The following URB2 variants were observed in gnomAD, a reference collection of about 807,000 sequenced individuals.
The protein encoded by URB2 is URB2 ribosome biogenesis homolog, also known as unhealthy ribosome biogenesis protein 2 homolog.
Under a neutral mutation model 120.9 loss-of-function variants are expected in URB2, and 86 were observed. The observed-to-expected ratio is 0.71, with a 90% CI of 0.60 to 0.85. URB2 has a LOEUF of 0.85. Among genes scored for constraint, URB2 ranks in the 40% least tolerant of loss-of-function variants. The pLI is 0.00. For synonymous variants in URB2, 755 were observed against 758.4 expected (o/e 1.00, Z 0.07); for missense variants, 1,765 against 1,836.5 (o/e 0.96, Z 0.71).
intron 4 of URB2, among the ~76,000 whole-genome samples, chr1:229,639,395 T>C (rs1571874486): frequency 6.7e-6 from 1 of 149,924 alleles, no homozygotes; most frequent in South Asian, 2.1e-4. Flanking sequence ...AGTGCAGTGG[T>C]GCAATCTCAG....
chr1:229,655,391 G>A (rs1416287257), intron 9 of URB2, among the ~76,000 whole-genome samples: 2 of 152,032 alleles, frequency 1.3e-5, no homozygotes, highest in African/African-American at 2.4e-5. Flanking sequence ...CCACCACCAC[G>A]CCCAGTTAAT....
Position 229,644,397 on chromosome 1 carries a change from C to T in URB2, c.3795+704C>T, listed in dbSNP as rs575789504. Among the ~76,000 whole-genome samples the T allele has an allele frequency of 2.6e-5, 4 of 152,300 alleles. No individual in the cohort carries two copies. In the South Asian group the frequency reaches 6.2e-4, roughly 24 times the overall value. On this transcript the variant is annotated intron_variant, in intron 5 of 9. Coordinates refer to ENST00000258243, the MANE Select transcript of URB2 (RefSeq NM_014777.4). ...GTACTGATTTGGGCAGGAGAGGAAA[C>T]AAACCTAAATTTCTGTTTGGACCAG...
chr1:229,648,042 G>T (rs904664710), intron 7 of URB2, among the ~76,000 whole-genome samples: 1 of 152,126 alleles, frequency 6.6e-6, no homozygotes, highest in African/African-American at 2.4e-5. Flanking sequence ...ATGCTCCAAA[G>T]CTCGAAACTT....
chr1:229,650,203 GT>G lies in URB2; in HGVS notation c.4150-1031del, dbSNP rs767641108. Among the ~76,000 whole-genome samples, 95 of 152,340 alleles carry G rather than the reference GT, an allele frequency of 6.2e-4. 1 individual carries two copies. Among genetic ancestry groups the G allele is most frequent in the African/African-American group, 1.9e-3 (80 of 41,578 alleles). On this transcript the variant is annotated intron_variant, in intron 7 of 9. Transcript: ENST00000258243. ...AGCAGTGGTCAGCAGTGGTGGGTGT[GT>G]GCTGTGTCTCCATCGTCCAGTATGG... is the stretch of plus-strand genomic sequence containing the variant.
At position 229,632,130 on chromosome 1, in the gene URB2, G is replaced by A. The variant is rs1415475906; in HGVS notation, c.127-139G>A. 3 of 547,558 alleles carry A rather than the reference G, an allele frequency of 5.5e-6. No homozygotes were observed. The East Asian group carries it at 1.1e-4, about 19-fold the overall frequency. 33.9% of individuals were successfully genotyped at this position (547,558 alleles called of 1,614,324 possible). On this transcript the variant is annotated intron_variant, in intron 2 of 9. Coordinates refer to ENST00000258243, the MANE Select transcript of URB2 (RefSeq NM_014777.4). ...GAACACGTAAGTAATATTATCAAAG[G>A]TAAGTTGTAAAAGAGAGGTTCTCCC...
chr1:229,658,503 A>G (rs969185401), intron 9 of URB2, among the ~76,000 whole-genome samples: 1 of 152,248 alleles, frequency 6.6e-6, no homozygotes, highest in Non-Finnish European at 1.5e-5. Flanking sequence ...AAAGGAATCT[A>G]TTAAATGGCA....
rs1665868016 is a variant in URB2, at chr1:229,637,362, T to C, written c.2749T>C (p.Tyr917His). ...CCTCTTGCCACCCTATCATGTGCAT[T>C]ATTTTCTTGTGTTACTGTCCATGGC... is the stretch of plus-strand genomic sequence containing the variant. ...DSLLPPYHVHYFLVLLSMAVT... is the reference protein window; with the variant it reads ...DSLLPPYHVHHFLVLLSMAVT... Residue 917 changes from tyrosine (Y) to histidine (H), a missense_variant, in exon 4 of 10, where the codon TAT (tyrosine) becomes CAT (histidine). Tyr to His is a moderately conservative substitution (Grantham distance 83). Coordinates refer to ENST00000258243, the MANE Select transcript of URB2 (RefSeq NM_014777.4). 6.2e-7 allele frequency: 1 copy of C among 1,614,086 alleles called. No individual in the cohort carries two copies. Among genetic ancestry groups the C allele is most frequent in the African/African-American group, 1.3e-5 (1 of 74,926 alleles).
At chr1:229,627,376 T>C (rs557973545) in intron 1 of URB2, among the ~76,000 whole-genome samples, 14 of 152,366 alleles carry the variant, frequency 9.2e-5, no homozygotes, top group African/African-American at 3.4e-4. Flanking sequence ...GGAATACATA[T>C]AGTCCATCTT....
Position 229,632,406 on chromosome 1 carries a change from G to A in URB2, c.264G>A (p.Lys88=), listed in dbSNP as rs765034926. Residue 88 remains lysine, a synonymous_variant, in exon 3 of 10, where the codon AAG becomes AAA. Coordinates refer to ENST00000258243, the MANE Select transcript of URB2 (RefSeq NM_014777.4). The part of the protein sequence containing the change: ...LHSRKLQNLL[K]NGKTINLQIS... The stretch of plus-strand genomic sequence containing the variant: ...GCAGAAAATTGCAGAATCTCCTCAA[G>A]AATGGAAAGACCATTAATCTTCAGA... 1.9e-6 allele frequency: 3 copies of A among 1,578,884 alleles called. No homozygotes were observed. Among genetic ancestry groups the A allele is most frequent in the Admixed American group, 1.9e-5 (1 of 51,642 alleles).
At position 229,636,836 on chromosome 1, in the gene URB2, C is replaced by T. The variant is rs928030564; in HGVS notation, c.2223C>T (p.His741=). ...TCACATACCCTGTAGCACACTGGCA[C>T]TTGATTGTGTCAAATCTCACAATTT... ...SGLTYPVAHW[H]LIVSNLTILI... is the part of the protein sequence containing the mutation. Residue 741 remains histidine, a synonymous_variant, in exon 4 of 10, where the codon CAC becomes CAT. Coordinates refer to ENST00000258243, the MANE Select transcript of URB2 (RefSeq NM_014777.4). 3.7e-6 allele frequency: 6 copies of T among 1,611,530 alleles called. No homozygotes were observed. In the Admixed American group the frequency reaches 6.7e-5, roughly 18 times the overall value.
chr1:229,646,183 A>G (rs1259073616), intron 6 of URB2, among the ~76,000 whole-genome samples: 1 of 152,186 alleles, frequency 6.6e-6, no homozygotes, highest in Non-Finnish European at 1.5e-5. Context: ...GGAAGTGCTA[A>G]CAAGGGACAT....
intron 2 of URB2, among the ~76,000 whole-genome samples, chr1:229,630,124 A>T (rs1459326962): frequency 6.6e-6 from 1 of 152,146 alleles, no homozygotes; most frequent in African/African-American, 2.4e-5. Context: ...AACTCCTGAT[A>T]ATGTTGATAT....
At chr1:229,656,263 CAT>C (rs1465025730) in intron 9 of URB2, among the ~76,000 whole-genome samples, 2 of 152,174 alleles carry the variant, frequency 1.3e-5, no homozygotes, top group Non-Finnish European at 2.9e-5. Context: ...TAAAATGAGA[CAT>C]AGTAATATCA....
chr1:229,643,724 G>A, intron 5 of URB2, 31 bp downstream of exon 5: 5 of 1,598,810 alleles, frequency 3.1e-6, no homozygotes, highest in Non-Finnish European at 3.4e-6. Context: ...TGTGTGGCAG[G>A]CTCAGAAACC....
chr1:229,641,644 A>G (rs539154822), intron 4 of URB2, among the ~76,000 whole-genome samples: 3 of 152,156 alleles, frequency 2.0e-5, no homozygotes, highest in Non-Finnish European at 4.4e-5. Context: ...GTCCTTAAGG[A>G]TGGCTCAGAG....
intron 7 of URB2, among the ~76,000 whole-genome samples, chr1:229,649,083 C>T (rs1009523674): frequency 2.1e-4 from 32 of 152,252 alleles, no homozygotes; most frequent in African/African-American, 6.5e-4. Context: ...CTTATAGGAC[C>T]ACTGTTGTTT....
intron 7 of URB2, among the ~76,000 whole-genome samples, chr1:229,650,234 C>T (rs917620305): frequency 6.6e-6 from 1 of 152,182 alleles, no homozygotes; most frequent in African/African-American, 2.4e-5. Context: ...GTATGGTCAC[C>T]ACTGGCCACA....
chr1:229,651,076 A>G, intron 7 of URB2, 159 bp from the exon 8 acceptor site: 1 of 494,492 alleles, frequency 2.0e-6, no homozygotes. Flanking sequence ...TGACAGCAGC[A>G]TGTCCAGGCG....
intron 5 of URB2, among the ~76,000 whole-genome samples, chr1:229,645,275 G>T (rs924112857): frequency 1.1e-4 from 15 of 138,040 alleles, no homozygotes; most frequent in Non-Finnish European, 1.7e-4. Context: ...GACAGAGCGA[G>T]ACTCGGTCTC....
Sources: gnomAD v4.1 joint callset for allele counts (sites outside exome capture counted in the v4.1 genomes callset) on GRCh38, gnomAD v4.1.1 for gene constraint, MANE v1.5 for transcripts, NCBI Gene and HGNC (gene_info 2026-07-23, HGNC 2026-07-21) for gene names.